The following EPB41L3 variants were observed in gnomAD, a reference collection of about 807,000 sequenced individuals.
EPB41L3 encodes band 4.1-like protein 3.
Under a neutral mutation model 127.1 loss-of-function variants are expected in EPB41L3, and 57 were observed. That is an observed-to-expected ratio of 0.45 (90% CI 0.36 to 0.56). The LOEUF (loss-of-function observed/expected upper bound fraction) is 0.56, where lower values mean the gene tolerates loss of function less well. EPB41L3 is among the 20% of genes least tolerant of loss of function. The pLI is 0.00. For missense variants in EPB41L3, 1,273 were observed against 1,372.2 expected (o/e 0.93, Z 1.14); for synonymous variants, 572 against 549.5 (o/e 1.04, Z -0.57).
At chr18:5,510,795 AGTT>A (rs1447936650) in intron 1 of EPB41L3, among the ~76,000 whole-genome samples, 1 of 152,168 alleles carries the variant, frequency 6.6e-6, no homozygotes, top group Non-Finnish European at 1.5e-5. Context: ...TGAATAATCT[AGTT>A]GTTTTATTTT....
chr18:5,541,581 C>T (rs1025911575), intron 1 of EPB41L3, among the ~76,000 whole-genome samples: 4 of 152,162 alleles, frequency 2.6e-5, no homozygotes, highest in African/African-American at 9.7e-5. Context: ...CCCTTTAATA[C>T]ATTTGACCAA....
intron 1 of EPB41L3, among the ~76,000 whole-genome samples, chr18:5,616,807 G>GAATATGGTTCATCATA (rs2094800282): frequency 1.3e-5 from 2 of 152,078 alleles, no homozygotes; most frequent in Non-Finnish European, 2.9e-5. Context: ...CATGTGGTTG[G>GAATATGGTTCATCATA]TTGATAGCTA....
chr18:5,466,673 G>T (rs759335678), intron 3 of EPB41L3, among the ~76,000 whole-genome samples: 2 of 152,158 alleles, frequency 1.3e-5, no homozygotes, highest in Non-Finnish European at 2.9e-5. Flanking sequence ...AGATGCTGTT[G>T]ATAAGCCTCA....
intron 3 of EPB41L3, among the ~76,000 whole-genome samples, chr18:5,566,966 C>T (rs751028606): frequency 7.9e-5 from 12 of 151,952 alleles, no homozygotes; most frequent in South Asian, 4.2e-4. Context: ...CTACCACTCA[C>T]GGTTAATTTG....
At chr18:5,537,732 A>G (rs2093612842) in intron 1 of EPB41L3, among the ~76,000 whole-genome samples, 2 of 152,180 alleles carry the variant, frequency 1.3e-5, no homozygotes, top group African/African-American at 4.8e-5. Flanking sequence ...GACTTCTGGA[A>G]TGTCCTATCT....
chr18:5,428,479 G>T lies in EPB41L3; in HGVS notation c.913-14C>A. The stretch of plus-strand genomic sequence containing the variant: ...CCCTTCTGAGTCCTGGAAAATAAAA[G>T]CAAGAAACAACAGATCAGTATCTAA... On this transcript the variant is annotated splice_polypyrimidine_tract_variant and intron_variant, in intron 8 of 22. Coordinates refer to ENST00000341928, the MANE Select transcript of EPB41L3 (RefSeq NM_012307.5). 6.2e-7 allele frequency: 1 copy of T among 1,613,970 alleles called. No homozygotes were observed. The highest frequency in any genetic ancestry group is 1.3e-5 in the African/African-American group (1 of 75,046).
At chr18:5,624,743 T>G (rs1301145387) in intron 1 of EPB41L3, among the ~76,000 whole-genome samples, 33 of 152,102 alleles carry the variant, frequency 2.2e-4, no homozygotes, top group Admixed American at 2.2e-3. Flanking sequence ...CGGACAAAAC[T>G]TACTGGGGAA....
chr18:5,592,424 C>A (rs2094494584), intron 3 of EPB41L3, among the ~76,000 whole-genome samples: 2 of 152,180 alleles, frequency 1.3e-5, no homozygotes, highest in East Asian at 3.9e-4. Context: ...CTTGGCTTCC[C>A]AAAGTGCTGG....
intron 3 of EPB41L3, among the ~76,000 whole-genome samples, chr18:5,573,452 C>T (rs115766651): frequency 3.3e-5 from 5 of 152,240 alleles, no homozygotes; most frequent in East Asian, 3.9e-4. Flanking sequence ...AGTAGCTATA[C>T]GGAGGAAATG....
chr18:5,478,316 C>T lies in EPB41L3; in HGVS notation c.306G>A (p.Lys102=), dbSNP rs757891782. The T allele has an allele frequency of 6.2e-7, 1 of 1,614,118 alleles. No homozygotes were observed. The highest frequency in any genetic ancestry group is 1.3e-5 in the African/African-American group (1 of 75,040). Residue 102 remains lysine, a synonymous_variant, in exon 3 of 23, where the codon AAG becomes AAA. Transcript: ENST00000341928. ...SSSKLSRSPL[K]IVKKPKSMQC... ...GCATGCTTTTAGGCTTTTTGACAAT[C>T]TTTAATGGAGACCGAGAGAGTTTAC...
At chr18:5,407,044 A>AAAGT (rs2075511031) in intron 15 of EPB41L3, 76 bp from the exon 16 acceptor site, 1 of 1,404,744 alleles carries the variant, frequency 7.1e-7, no homozygotes, top group Non-Finnish European at 1.0e-6. Context: ...GTTTGCTTTA[A>AAAGT]AAGTAATGTC....
intron 11 of EPB41L3, among the ~76,000 whole-genome samples, chr18:5,422,632 T>C (rs1307329343): frequency 6.6e-6 from 1 of 152,220 alleles, no homozygotes; most frequent in Non-Finnish European, 1.5e-5. Flanking sequence ...CAGAGTATTG[T>C]TACAGCGGGC....
Position 5,572,603 on chromosome 18 carries a change from T to A in EPB41L3, c.-306+39737A>T, listed in dbSNP as rs1464054410. On this transcript the variant is annotated intron_variant, in intron 3 of 21. Coordinates refer to the EPB41L3 transcript ENST00000545076. ...GGTTTTGTTTTTTAGAGACAGGGTC[T>A]CACTCTGTTGCCCAGGCTGCAGTGC... 2.6e-5 allele frequency among the ~76,000 whole-genome samples: 4 copies of A among 152,214 alleles called. No individual in the cohort carries two copies. The East Asian group carries it at 7.7e-4, about 29-fold the overall frequency.
At chr18:5,413,231 T>C (rs1044614438) in intron 13 of EPB41L3, among the ~76,000 whole-genome samples, 2 of 152,212 alleles carry the variant, frequency 1.3e-5, no homozygotes, top group African/African-American at 2.4e-5. Flanking sequence ...ATCAAAAAAT[T>C]ACTCAGAAAT....
chr18:5,406,574 T>C (rs1339827463), intron 16 of EPB41L3, among the ~76,000 whole-genome samples: 1 of 152,212 alleles, frequency 6.6e-6, no homozygotes, highest in East Asian at 1.9e-4. Context: ...AAGAACCATC[T>C]GATGCTATTA....
intron 13 of EPB41L3, among the ~76,000 whole-genome samples, chr18:5,413,441 C>T (rs903879741): frequency 1.3e-5 from 2 of 152,060 alleles, no homozygotes; most frequent in African/African-American, 2.4e-5. Context: ...AAATAAGCCA[C>T]CATAACATGT....
chr18:5,470,414 T>C (rs1459498842), intron 3 of EPB41L3, among the ~76,000 whole-genome samples: 4 of 152,322 alleles, frequency 2.6e-5, no homozygotes, highest in African/African-American at 9.6e-5. Flanking sequence ...GTACACAATG[T>C]GGTAACATGT....
intron 13 of EPB41L3, among the ~76,000 whole-genome samples, chr18:5,410,903 C>A (rs1477363053): frequency 6.6e-6 from 1 of 152,164 alleles, no homozygotes; most frequent in Non-Finnish European, 1.5e-5. Context: ...CTCAGGGAAA[C>A]CGATTTGTCA....
intron 6 of EPB41L3, among the ~76,000 whole-genome samples, chr18:5,437,226 C>T (rs2079983995): frequency 6.6e-6 from 1 of 152,078 alleles, no homozygotes; most frequent in Non-Finnish European, 1.5e-5. Context: ...GGGTGGAGCC[C>T]TCATGAATGG....
Sources: allele counts gnomAD v4.1 joint callset (sites outside exome capture counted in the v4.1 genomes callset), GRCh38; gene constraint gnomAD v4.1.1; transcripts MANE v1.5; gene names NCBI Gene and HGNC (gene_info 2026-07-23, HGNC 2026-07-21).